ATRNL1: variants seen among roughly 807,000 people sequenced by gnomAD.
The protein encoded by ATRNL1 is attractin like 1.
Under a neutral mutation model 182.7 loss-of-function variants are expected in ATRNL1, and 95 were observed. That is an observed-to-expected ratio of 0.52 (90% CI 0.44 to 0.62). The LOEUF (loss-of-function observed/expected upper bound fraction) is 0.62. Ranked by LOEUF, ATRNL1 falls within the 20% of genes least tolerant of loss-of-function variation. The pLI is 0.00. For synonymous variants in ATRNL1, 576 were observed against 568.3 expected, an observed-to-expected ratio of 1.01 and a Z score of -0.19; for missense variants, 1,471 against 1,679.5, an observed-to-expected ratio of 0.88 and a Z score of 2.17.
intron 26 of ATRNL1, among the ~76,000 whole-genome samples, chr10:115,591,320 G>A (rs1855889331): frequency 6.6e-6 from 1 of 152,092 alleles, no homozygotes. Flanking sequence ...TGACACAGGA[G>A]AGTTACTCCA....
At chr10:115,438,819 G>A (rs1002048982) in intron 21 of ATRNL1, among the ~76,000 whole-genome samples, 1 of 151,798 alleles carries the variant, frequency 6.6e-6, no homozygotes, top group Non-Finnish European at 1.5e-5. Flanking sequence ...TAAGAAGTTT[G>A]TGTATTAAGA....
intron 27 of ATRNL1, among the ~76,000 whole-genome samples, chr10:115,746,901 T>C (rs1555069322): frequency 6.6e-6 from 1 of 152,098 alleles, no homozygotes; most frequent in Non-Finnish European, 1.5e-5. Context: ...CGCATTTCAG[T>C]TGAAGTGTGA....
chr10:115,474,315 T>C (rs1377171685), intron 24 of ATRNL1, among the ~76,000 whole-genome samples: 1 of 151,458 alleles, frequency 6.6e-6, no homozygotes, highest in Non-Finnish European at 1.5e-5. Context: ...CTGAGAAATC[T>C]GTTGATATCC....
At chr10:115,470,731 G>A (rs984505022) in intron 24 of ATRNL1, among the ~76,000 whole-genome samples, 3 of 150,444 alleles carry the variant, frequency 2.0e-5, no homozygotes, top group Admixed American at 6.7e-5. Flanking sequence ...ATCAAAATTT[G>A]TGTAACGAGG....
intron 5 of ATRNL1, among the ~76,000 whole-genome samples, chr10:115,146,828 C>T (rs566784837): frequency 1.4e-5 from 2 of 147,870 alleles, no homozygotes; most frequent in Admixed American, 6.7e-5. Flanking sequence ...GGCTGACTAG[C>T]GTTCCATTAT....
In ATRNL1 at chr10:115,944,898, G is replaced by A; in HGVS notation, c.*119G>A. 5 of 1,207,300 alleles carry A rather than the reference G, an allele frequency of 4.1e-6. No individual in the cohort carries two copies. Among genetic ancestry groups the A allele is most frequent in the Non-Finnish European group, 5.5e-6 (5 of 914,032 alleles). The allele number at this position is 1,207,300 out of a possible 1,614,324, so 74.8% of individuals were successfully genotyped here. A position where few individuals can be genotyped will look rare whatever the true frequency, so the allele number is the denominator to read the frequency against. On this transcript the variant is annotated 3_prime_UTR_variant, in exon 29 of 29. Transcript: ENST00000355044. ...CTGTATCATCCAGAGCCTGAGTACA[G>A]TTTCCTTCCAAATGGACAATGACCC...
intron 27 of ATRNL1, among the ~76,000 whole-genome samples, chr10:115,768,522 G>A (rs1161466732): frequency 2.0e-5 from 3 of 152,036 alleles, no homozygotes; most frequent in Non-Finnish European, 4.4e-5. Context: ...GAGCAAATGA[G>A]TATTCTATTT....
At chr10:115,164,361 A>C (rs1554883915) in intron 6 of ATRNL1, among the ~76,000 whole-genome samples, 1 of 152,196 alleles carries the variant, frequency 6.6e-6, no homozygotes, top group African/African-American at 2.4e-5. Flanking sequence ...GTTAATTTAT[A>C]TAATGCTAAG....
chr10:115,126,101 A>G (rs1844961753), intron 3 of ATRNL1, among the ~76,000 whole-genome samples: 2 of 152,238 alleles, frequency 1.3e-5, no homozygotes, highest in African/African-American at 2.4e-5. Context: ...CTCTGTCACC[A>G]GGCTGGAGTG....
At chr10:115,752,109 G>A (rs1030069650) in intron 27 of ATRNL1, among the ~76,000 whole-genome samples, 1 of 151,952 alleles carries the variant, frequency 6.6e-6, no homozygotes, top group African/African-American at 2.4e-5. Context: ...ATGAATGACT[G>A]AATCTTATGA....
chr10:115,734,041 T>C (rs1157718820), intron 27 of ATRNL1, among the ~76,000 whole-genome samples: 2 of 152,162 alleles, frequency 1.3e-5, no homozygotes, highest in Non-Finnish European at 2.9e-5. Flanking sequence ...TTTTCACATC[T>C]AAGTTTGATT....
intron 26 of ATRNL1, among the ~76,000 whole-genome samples, chr10:115,597,391 T>C (rs1166852666): frequency 1.3e-5 from 2 of 152,138 alleles, no homozygotes; most frequent in Non-Finnish European, 2.9e-5. Flanking sequence ...TACCTGCTTA[T>C]CTATGTTGAT....
intron 27 of ATRNL1, among the ~76,000 whole-genome samples, chr10:115,782,445 G>A (rs781791348): frequency 3.9e-5 from 6 of 152,168 alleles, no homozygotes; most frequent in Admixed American, 2.0e-4. Flanking sequence ...AAGTGTTGAT[G>A]CAATCACAAC....
chr10:115,293,778 T>G (rs184769816), intron 15 of ATRNL1, among the ~76,000 whole-genome samples: 2 of 152,348 alleles, frequency 1.3e-5, no homozygotes, highest in East Asian at 3.9e-4. Context: ...ATAGTTTGAA[T>G]ATATCATTCC....
At chr10:115,391,479 G>C (rs1288240164) in intron 19 of ATRNL1, among the ~76,000 whole-genome samples, 2 of 152,076 alleles carry the variant, frequency 1.3e-5, no homozygotes, top group African/African-American at 4.8e-5. Flanking sequence ...AGGCAGATCT[G>C]GTGTTGCAGT....
intron 15 of ATRNL1, among the ~76,000 whole-genome samples, chr10:115,297,619 C>A (rs1203827952): frequency 6.8e-6 from 1 of 147,888 alleles, no homozygotes; most frequent in Non-Finnish European, 1.5e-5. Context: ...CCACTGCACT[C>A]CAGTCTGGGC....
chr10:115,270,267 TTA>T (rs1554912401), intron 13 of ATRNL1, among the ~76,000 whole-genome samples: 2 of 146,308 alleles, frequency 1.4e-5, no homozygotes, highest in African/African-American at 4.9e-5. Flanking sequence ...TGTTTATATA[TTA>T]TATATAAATA....
At chr10:115,806,100 G>A (rs1464772838) in intron 27 of ATRNL1, among the ~76,000 whole-genome samples, 3 of 152,106 alleles carry the variant, frequency 2.0e-5, no homozygotes, top group African/African-American at 7.2e-5. Flanking sequence ...GTGCCTAACT[G>A]CCTTTAAAAG....
At chr10:115,550,692 A>G (rs934507604) in intron 26 of ATRNL1, among the ~76,000 whole-genome samples, 17 of 151,988 alleles carry the variant, frequency 1.1e-4, no homozygotes, top group African/African-American at 3.8e-4. Context: ...ATATATAACT[A>G]TTAGGCAGGA....
Sources: allele counts gnomAD v4.1 joint callset (sites outside exome capture counted in the v4.1 genomes callset), GRCh38; gene constraint gnomAD v4.1.1; transcripts MANE v1.5; gene names NCBI Gene and HGNC (gene_info 2026-07-23, HGNC 2026-07-21).